The following MRPS6 variants were observed in gnomAD, a reference collection of about 807,000 sequenced individuals.
MRPS6 encodes the protein mitochondrial ribosomal protein S6, also known as small ribosomal subunit protein bS6m.
Under a neutral mutation model 13.1 loss-of-function variants are expected in MRPS6, and 6 were observed. The ratio of observed to expected loss-of-function variants is 0.46; its 90% CI spans 0.25 to 0.91. The LOEUF is 0.91. MRPS6 is among the 40% of genes least tolerant of loss of function. The probability of loss-of-function intolerance (pLI) is 0.18; values close to 1 mark genes in which losing one functional copy is unlikely to be tolerated. For synonymous variants in MRPS6, 61 were observed against 56.5 expected (o/e 1.08, Z -0.36); for missense variants, 164 against 155.6 (o/e 1.05, Z -0.29).
chr21:34,076,131 A>G (rs1295590757), intron 1 of MRPS6, among the ~76,000 whole-genome samples: 2 of 152,194 alleles, frequency 1.3e-5, no homozygotes, highest in Admixed American at 6.5e-5. Context: ...GTGTTAGGCA[A>G]CTTTAACAGC....
intron 2 of MRPS6, among the ~76,000 whole-genome samples, chr21:34,136,421 T>G (rs112244275): frequency 0.011 from 1,751 of 152,354 alleles, 38 homozygotes; most frequent in South Asian, 0.081. Flanking sequence ...GTGCTGGGAT[T>G]ACAGGCGTGA....
chr21:34,080,554 T>C (rs2148653037), intron 1 of MRPS6, among the ~76,000 whole-genome samples: 1 of 152,338 alleles, frequency 6.6e-6, no homozygotes, highest in East Asian at 1.9e-4. Context: ...TCTTAACTCA[T>C]TTGGTACATT....
At chr21:34,100,411 A>G (rs896466699) in intron 1 of MRPS6, 20 of 1,000,192 alleles carry the variant, frequency 2.0e-5, no homozygotes, top group African/African-American at 3.5e-5. Flanking sequence ...TTCCCCAGCT[A>G]TTCTTTCCTG....
At chr21:34,137,250 C>T (rs555909305) in intron 2 of MRPS6, among the ~76,000 whole-genome samples, 1 of 152,246 alleles carries the variant, frequency 6.6e-6, no homozygotes, top group African/African-American at 2.4e-5. Context: ...TAATAGATCT[C>T]AATTTTTGTT....
intron 1 of MRPS6, among the ~76,000 whole-genome samples, chr21:34,091,518 C>T (rs1978692932): frequency 6.6e-6 from 1 of 152,164 alleles, no homozygotes; most frequent in Admixed American, 6.5e-5. Context: ...ATGGTTATAT[C>T]ACCTGAAGGA....
At chr21:34,128,403 A>C (rs1002414442) in intron 2 of MRPS6, among the ~76,000 whole-genome samples, 1 of 152,020 alleles carries the variant, frequency 6.6e-6, no homozygotes, top group East Asian at 1.9e-4. Context: ...GTACATGCCC[A>C]GTAGGCTGGA....
chr21:34,095,639 C>T (rs764401129), intron 1 of MRPS6: 2 of 1,610,766 alleles, frequency 1.2e-6, no homozygotes, highest in South Asian at 2.2e-5. Context: ...ATTCGGGTGC[C>T]CTTTTTATCC....
intron 1 of MRPS6, among the ~76,000 whole-genome samples, chr21:34,082,620 G>C (rs774207499): frequency 6.6e-6 from 1 of 152,110 alleles, no homozygotes; most frequent in Non-Finnish European, 1.5e-5. Context: ...AAAAATTCAG[G>C]TGCTCTCTTG....
chr21:34,105,131 G>C, intron 1 of MRPS6: 1 of 1,000,140 alleles, frequency 1.0e-6, no homozygotes, highest in African/African-American at 1.7e-5. Context: ...TCAGATGATG[G>C]TATGGAATTT....
chr21:34,079,203 C>G (rs973408408), intron 1 of MRPS6, among the ~76,000 whole-genome samples: 1 of 152,124 alleles, frequency 6.6e-6, no homozygotes, highest in Non-Finnish European at 1.5e-5. Flanking sequence ...AAAAAAACAG[C>G]AATACTTTAT....
At chr21:34,098,475 C>G in intron 1 of MRPS6, 2 of 999,258 alleles carry the variant, frequency 2.0e-6, no homozygotes, top group African/African-American at 3.5e-5. Flanking sequence ...TTTTTTTTTC[C>G]TCAAAAGACT....
At chr21:34,116,302 C>T (rs189280638) in intron 1 of MRPS6, among the ~76,000 whole-genome samples, 66 of 148,602 alleles carry the variant, frequency 4.4e-4, no homozygotes, top group Admixed American at 1.5e-3. Context: ...CCTGCTTCAG[C>T]CTCTCAATCA....
At chr21:34,100,202 AGGTGTTAAT>A (rs1364393356) in intron 1 of MRPS6, 1 of 1,000,166 alleles carries the variant, frequency 1.0e-6, no homozygotes, top group East Asian at 1.1e-4. Context: ...ATGTCTTACC[AGGTGTTAAT>A]GGTATCCCCA....
At chr21:34,135,050 CT>C (rs1285363196) in intron 2 of MRPS6, among the ~76,000 whole-genome samples, 1 of 152,062 alleles carries the variant, frequency 6.6e-6, no homozygotes. Flanking sequence ...TATTGGACCC[CT>C]TTTACTCTAG....
intron 1 of MRPS6, among the ~76,000 whole-genome samples, chr21:34,090,317 A>G (rs1452117503): frequency 6.6e-6 from 1 of 152,232 alleles, no homozygotes; most frequent in Non-Finnish European, 1.5e-5. Context: ...TACACTCTGC[A>G]TCAAGCGTTA....
intron 1 of MRPS6, chr21:34,104,125 A>C: frequency 1.0e-6 from 1 of 999,564 alleles, no homozygotes; most frequent in Non-Finnish European, 1.2e-6. Context: ...AGTTACCTTT[A>C]TTTTTTTCCT....
chr21:34,140,868 T>G (rs552197267), intron 2 of MRPS6, among the ~76,000 whole-genome samples: 1 of 152,362 alleles, frequency 6.6e-6, no homozygotes, highest in South Asian at 2.1e-4. Flanking sequence ...CCACTTGAGC[T>G]TGCTTTTGAT....
chr21:34,105,692 T>G, intron 1 of MRPS6: 1 of 998,568 alleles, frequency 1.0e-6, no homozygotes, highest in African/African-American at 1.7e-5. Flanking sequence ...TTGTTATTAG[T>G]GAGTTTTTTG....
chr21:34,135,702 G>A, intron 2 of MRPS6: 2 of 392,966 alleles, frequency 5.1e-6, no homozygotes. Context: ...CATTGATGAT[G>A]GTGTTCACCA....
Sources: allele counts gnomAD v4.1 joint callset (sites outside exome capture counted in the v4.1 genomes callset), GRCh38; gene constraint gnomAD v4.1.1; transcripts MANE v1.5; gene names NCBI Gene and HGNC (gene_info 2026-07-23, HGNC 2026-07-21).